The following TLN2 variants were observed in gnomAD, a reference collection of about 807,000 sequenced individuals.
TLN2 encodes the protein talin-2.
In TLN2, 118 loss-of-function variants were observed where a neutral mutation model predicts 294.7. That is an observed-to-expected ratio of 0.40 (90% confidence interval 0.34 to 0.47). TLN2 has a LOEUF of 0.47. Ranked by LOEUF, TLN2 falls within the 20% of genes least tolerant of loss-of-function variation. TLN2 has a pLI of 0.84. For missense variants in TLN2, 3,083 were observed against 3,282.2 expected (o/e 0.94, Z 1.48); for synonymous variants, 1,431 against 1,304.5 (o/e 1.10, Z -2.09).
rs1056752785 is a variant in TLN2 at position 62,477,859 on chromosome 15, C to T, written c.-238+87174C>T. Reference sequence around the variant, plus strand: ...CTGGGGTCCAAGCAGCAACTTGGCCCAAGGGTTGTGCTCCTGATACTGGCA... The same window carrying T: ...CTGGGGTCCAAGCAGCAACTTGGCCTAAGGGTTGTGCTCCTGATACTGGCA... On this transcript the variant is annotated intron_variant, in intron 1 of 58. Transcript: ENST00000636159. Among the ~76,000 whole-genome samples, 17 of 117,900 alleles carry T rather than the reference C, an allele frequency of 1.4e-4. No homozygotes were observed. In the East Asian group the frequency reaches 4.4e-3, roughly 31 times the overall value. The allele number at this position is 117,900 out of a possible 152,430, so 77.3% of individuals were successfully genotyped here. A position where few individuals can be genotyped will look rare whatever the true frequency, so the allele number is the denominator to read the frequency against.
chr15:62,510,501 C>T (rs915636788), intron 1 of TLN2, among the ~76,000 whole-genome samples: 1 of 152,194 alleles, frequency 6.6e-6, no homozygotes, highest in African/African-American at 2.4e-5. Flanking sequence ...ATATTTAAAT[C>T]TTGCCCAACA....
At chr15:62,707,975 A>AAAAG (rs2059175767) in intron 20 of TLN2, among the ~76,000 whole-genome samples, 2 of 150,608 alleles carry the variant, frequency 1.3e-5, no homozygotes, top group Admixed American at 1.3e-4. Flanking sequence ...CTTGGCATCA[A>AAAAG]TAGCCTGTGG....
At chr15:62,677,898 C>G (rs942651143) in intron 11 of TLN2, among the ~76,000 whole-genome samples, 2 of 148,102 alleles carry the variant, frequency 1.4e-5, no homozygotes, top group African/African-American at 5.0e-5. Context: ...TGTGTTCAAG[C>G]GATTCTCCTG....
intron 41 of TLN2, among the ~76,000 whole-genome samples, chr15:62,769,534 C>T (rs1024643156): frequency 6.6e-6 from 1 of 152,216 alleles, no homozygotes; most frequent in African/African-American, 2.4e-5. Context: ...TGTAAGATAA[C>T]CATAGAGGAA....
At chr15:62,699,760 C>G (rs2058597654) in intron 16 of TLN2, among the ~76,000 whole-genome samples, 1 of 152,230 alleles carries the variant, frequency 6.6e-6, no homozygotes, top group South Asian at 2.1e-4. Flanking sequence ...CTGTCATTCT[C>G]AACCCTGCTT....
At chr15:62,652,169 C>A in intron 6 of TLN2, 35 bp downstream of exon 6, 1 of 1,476,100 alleles carries the variant, frequency 6.8e-7, no homozygotes. Context: ...TGTCTTTTTG[C>A]TTAGTTTTTA....
chr15:62,527,749 TCC>T (rs1297715022), intron 1 of TLN2, among the ~76,000 whole-genome samples: 2 of 152,204 alleles, frequency 1.3e-5, no homozygotes, highest in Non-Finnish European at 2.9e-5. Context: ...GTGGGTCTTA[TCC>T]ACTGCCAGCC....
chr15:62,744,437 A>T, intron 32 of TLN2, among the ~76,000 whole-genome samples: 1 of 141,652 alleles, frequency 7.1e-6, no homozygotes, highest in African/African-American at 2.6e-5. Flanking sequence ...AAAGAGAGGC[A>T]GTCTTGCTGT....
chr15:62,701,140 A>G lies in TLN2; in HGVS notation c.1622A>G (p.Glu541Gly). The change falls in exon 17 of 59, where the codon GAA becomes GGA. Residue 541 changes from glutamate to glycine, a missense_variant. Transcript: ENST00000636159. The part of the protein sequence containing the change: ...SRVWVQNKVD[E>G]SKHEIHSQVD... Reference sequence around the variant, plus strand: ...GTATGGGTTCAGAACAAAGTCGACGAATCCAAACACGAAATCCATTCTCAA... The same window carrying G: ...GTATGGGTTCAGAACAAAGTCGACGGATCCAAACACGAAATCCATTCTCAA... 6.2e-7 allele frequency: 1 copy of G among 1,614,154 alleles called. No individual in the cohort carries two copies. Among genetic ancestry groups the G allele is most frequent in the Non-Finnish European group, 8.5e-7 (1 of 1,180,032 alleles).
At chr15:62,561,405 C>G (rs535544544) in intron 1 of TLN2, 5 of 152,234 alleles carry the variant, frequency 3.3e-5, no homozygotes, top group Non-Finnish European at 4.4e-5. Flanking sequence ...CTAACGCCTT[C>G]GCGAGAGGAG....
At chr15:62,824,234 T>G (rs1053921129) in intron 54 of TLN2, among the ~76,000 whole-genome samples, 9 of 152,216 alleles carry the variant, frequency 5.9e-5, no homozygotes, top group Non-Finnish European at 8.8e-5. Context: ...TGATGTTTCA[T>G]AAGAGCCTGG....
intron 1 of TLN2, among the ~76,000 whole-genome samples, chr15:62,497,068 T>C (rs1271109109): frequency 6.6e-6 from 1 of 152,214 alleles, no homozygotes; most frequent in Non-Finnish European, 1.5e-5. Flanking sequence ...GCACTTGCCC[T>C]GTGTGTTGGA....
intron 11 of TLN2, among the ~76,000 whole-genome samples, chr15:62,682,646 A>G (rs971915021): frequency 2.2e-4 from 34 of 152,198 alleles, no homozygotes; most frequent in African/African-American, 8.0e-4. Flanking sequence ...ACTGCCTCAT[A>G]TAAATCTCCA....
At chr15:62,837,314 G>A (rs1374175989) in intron 57 of TLN2, among the ~76,000 whole-genome samples, 1 of 152,154 alleles carries the variant, frequency 6.6e-6, no homozygotes, top group Non-Finnish European at 1.5e-5. Context: ...TGGGTCTGGG[G>A]GACACTTCTG....
chr15:62,791,917 G>A (rs1001094126), intron 45 of TLN2, among the ~76,000 whole-genome samples: 2 of 152,204 alleles, frequency 1.3e-5, no homozygotes, highest in Non-Finnish European at 2.9e-5. Flanking sequence ...AATCCACAGC[G>A]GAGCCCACTT....
intron 25 of TLN2, among the ~76,000 whole-genome samples, chr15:62,721,376 A>G (rs1232184746): frequency 6.6e-6 from 1 of 152,160 alleles, no homozygotes. Flanking sequence ...CTGTAAAACT[A>G]TTTTTGTTTG....
At chr15:62,432,164 A>AT (rs776220303) in intron 1 of TLN2, among the ~76,000 whole-genome samples, 4 of 151,996 alleles carry the variant, frequency 2.6e-5, no homozygotes, top group Admixed American at 6.6e-5. Flanking sequence ...TCTTTATTAG[A>AT]TTTTTTATCG....
intron 50 of TLN2, 141 bp downstream of exon 50, chr15:62,800,910 C>G: frequency 4.5e-6 from 3 of 665,532 alleles, no homozygotes; most frequent in Non-Finnish European, 7.6e-6. Context: ...CTGCTGGTAG[C>G]TTTATATAAT....
intron 2 of TLN2, among the ~76,000 whole-genome samples, chr15:62,611,109 A>G (rs543325237): frequency 2.0e-5 from 3 of 152,340 alleles, no homozygotes; most frequent in Non-Finnish European, 2.9e-5. Flanking sequence ...ATTATGTCTT[A>G]TGATGACATT....
Sources: gnomAD v4.1 joint callset for allele counts (sites outside exome capture counted in the v4.1 genomes callset) on GRCh38, gnomAD v4.1.1 for gene constraint, MANE v1.5 for transcripts, NCBI Gene and HGNC (gene_info 2026-07-23, HGNC 2026-07-21) for gene names.